Variants in VPS13C observed in about 807,000 individuals in gnomAD.
The protein encoded by VPS13C is intermembrane lipid transfer protein VPS13C.
VPS13C carries 358 observed loss-of-function variants against 456.8 expected under a neutral mutation model. That is an observed-to-expected ratio of 0.78 (90% CI 0.72 to 0.86). The LOEUF is 0.86. Ranked by LOEUF, VPS13C falls within the 40% of genes least tolerant of loss-of-function variation. VPS13C has a pLI of 0.00. For synonymous variants in VPS13C, 1,578 were observed against 1,486.7 expected, an observed-to-expected ratio of 1.06 and a Z score of -1.41; for missense variants, 4,818 against 4,385.4, an observed-to-expected ratio of 1.10 and a Z score of -2.79.
chr15:62,059,382 C>G (rs2048912726), intron 1 of VPS13C, among the ~76,000 whole-genome samples: 1 of 152,158 alleles, frequency 6.6e-6, no homozygotes, highest in African/African-American at 2.4e-5. Context: ...TCCTCCAAAG[C>G]TGACAAAGTT....
chr15:61,955,253 A>G (rs879315993), intron 37 of VPS13C, among the ~76,000 whole-genome samples: 4 of 152,118 alleles, frequency 2.6e-5, no homozygotes, highest in Non-Finnish European at 2.9e-5. Flanking sequence ...AATTCTTATG[A>G]CATCTCTTTG....
At chr15:61,963,798 T>C (rs753904904) in intron 32 of VPS13C, 37 bp downstream of exon 32, 4 of 1,456,556 alleles carry the variant, frequency 2.7e-6, no homozygotes, top group African/African-American at 1.4e-5. Flanking sequence ...GAAAAGTTTA[T>C]CTTTTCGCCA....
chr15:62,013,615 G>C (rs2047122677), intron 10 of VPS13C, among the ~76,000 whole-genome samples: 1 of 151,944 alleles, frequency 6.6e-6, no homozygotes. Flanking sequence ...ATTATGTATA[G>C]CTTAGTACTT....
rs188311216 is a variant in VPS13C at position 61,921,549 on chromosome 15, C to G, written c.7062+398G>C. 2.8e-4 allele frequency among the ~76,000 whole-genome samples: 42 copies of G among 151,618 alleles called. 3 individuals carry two copies. In the East Asian group the frequency reaches 8.1e-3, roughly 29 times the overall value. ...ATATGTACTCTATTAACAATTAAAACTGAAAAAAAATTAAAAATTCATTTA... is the reference window on the plus strand; with the variant it reads ...ATATGTACTCTATTAACAATTAAAAGTGAAAAAAAATTAAAAATTCATTTA... On this transcript the variant is annotated intron_variant, in intron 55 of 84. Transcript: ENST00000644861.
At chr15:62,060,232 G>T in intron 1 of VPS13C, 43 bp downstream of exon 1, 3 of 1,209,190 alleles carry the variant, frequency 2.5e-6, no homozygotes, top group Non-Finnish European at 3.6e-6. Flanking sequence ...CCTCGGCTGG[G>T]CCCTCAGCGC....
rs933249899 is a variant in VPS13C, at chr15:61,880,552, C to T, written c.10002+57G>A. On this transcript the variant is annotated intron_variant, in intron 73 of 84. Transcript: ENST00000644861. ...TAAAACCTACCTTGGTCCACAGACC[C>T]TTTAAAAAGTTCTACAATAATTTCA... The T allele has an allele frequency of 4.0e-6, 5 of 1,239,302 alleles. No individual in the cohort carries two copies. The African/African-American group carries it at 6.2e-5, about 15-fold the overall frequency. The allele number at this position is 1,239,302 out of a possible 1,614,324, so 76.8% of individuals were successfully genotyped here. A position where few individuals can be genotyped will look rare whatever the true frequency, so the allele number is the denominator to read the frequency against.
At chr15:61,945,156 C>T (rs1392892365) in intron 45 of VPS13C, among the ~76,000 whole-genome samples, 2 of 152,214 alleles carry the variant, frequency 1.3e-5, no homozygotes, top group East Asian at 3.8e-4. Flanking sequence ...ATTCAGTTTC[C>T]TGAGGCCTCC....
intron 25 of VPS13C, 80 bp from the exon 26 acceptor site, chr15:61,973,612 A>G: frequency 9.9e-7 from 1 of 1,008,044 alleles, no homozygotes; most frequent in Non-Finnish European, 1.6e-6. Flanking sequence ...AAGACTAAAA[A>G]GTAATAGAGG....
Position 61,854,388 on chromosome 15 carries a change from A to C in VPS13C, c.*69T>G, listed in dbSNP as rs1893794697. On this transcript the variant is annotated 3_prime_UTR_variant, in exon 85 of 85. Coordinates refer to ENST00000644861, the MANE Select transcript of VPS13C (RefSeq NM_020821.3). The stretch of plus-strand genomic sequence containing the variant: ...TTGAAAAATTGTCTTTAGCAAGATA[A>C]AGCAGAGTGACTTATAGACAAGACC... 2 of 1,386,644 alleles carry C rather than the reference A, an allele frequency of 1.4e-6. No homozygotes were observed. The highest frequency in any genetic ancestry group is 2.1e-6 in the Non-Finnish European group (2 of 972,574). 85.9% of individuals were successfully genotyped at this position (1,386,644 alleles called of 1,614,324 possible).
At chr15:61,999,895 A>C (rs1281033079) in intron 16 of VPS13C, among the ~76,000 whole-genome samples, 1 of 130,262 alleles carries the variant, frequency 7.7e-6, no homozygotes, top group Non-Finnish European at 1.7e-5. Flanking sequence ...AGAGGAAACA[A>C]AGAAAAAGTA....
At chr15:61,940,610 T>A in intron 47 of VPS13C, 37 bp downstream of exon 47, 1 of 1,581,792 alleles carries the variant, frequency 6.3e-7, no homozygotes, top group African/African-American at 1.4e-5. Flanking sequence ...GAAAAGCCTA[T>A]CAAGAAATTT....
rs776273234 is a variant in VPS13C at position 61,951,014 on chromosome 15, C to T, written c.4467G>A (p.Gly1489=). The part of the protein sequence containing the change: ...MQCFDFTDSK[G]EPLHIINSSN... ...AAGAGTTAATAATGTGAAGAGGTTC[C>T]CCTTTAGAGTCTAAAAGAGAAAAAA... Residue 1489 remains glycine, a synonymous_variant, in exon 40 of 85, where the codon GGG becomes GGA. Transcript: ENST00000644861. 3 of 1,591,534 alleles carry T rather than the reference C, an allele frequency of 1.9e-6. No individual in the cohort carries two copies. In the Admixed American group the frequency reaches 5.4e-5, roughly 28 times the overall value.
intron 47 of VPS13C, among the ~76,000 whole-genome samples, chr15:61,938,938 T>C (rs574375360): frequency 5.3e-5 from 8 of 152,346 alleles, no homozygotes; most frequent in Non-Finnish European, 1.2e-4. Context: ...AATAGTATTA[T>C]ATTGCCTGTT....
chr15:62,041,042 T>G (rs1448550688), intron 3 of VPS13C, among the ~76,000 whole-genome samples: 2 of 152,196 alleles, frequency 1.3e-5, no homozygotes, highest in Admixed American at 6.5e-5. Flanking sequence ...CTTGGAAATC[T>G]AATCTGAAAA....
chr15:61,903,365 T>A (rs1377823969), intron 66 of VPS13C, among the ~76,000 whole-genome samples: 1 of 151,344 alleles, frequency 6.6e-6, no homozygotes, highest in African/African-American at 2.4e-5. Flanking sequence ...CATAGCTTTA[T>A]GCCAACAACA....
chr15:61,892,568 C>G (rs894310449), intron 66 of VPS13C, among the ~76,000 whole-genome samples: 1 of 152,116 alleles, frequency 6.6e-6, no homozygotes, highest in Non-Finnish European at 1.5e-5. Context: ...AATAAATAAT[C>G]CTTCAATGTA....
intron 1 of VPS13C, among the ~76,000 whole-genome samples, chr15:62,046,181 A>G (rs910089664): frequency 1.3e-5 from 2 of 152,178 alleles, no homozygotes; most frequent in Admixed American, 6.5e-5. Context: ...GAGGGAAATG[A>G]AAGAATACAG....
At chr15:61,974,728 CTTA>C (rs1283478105) in intron 24 of VPS13C, among the ~76,000 whole-genome samples, 1 of 152,108 alleles carries the variant, frequency 6.6e-6, no homozygotes, top group African/African-American at 2.4e-5. Flanking sequence ...ATCAAAGATT[CTTA>C]TTATAAACAT....
At chr15:61,899,872 T>C (rs1286676405) in intron 66 of VPS13C, among the ~76,000 whole-genome samples, 2 of 136,784 alleles carry the variant, frequency 1.5e-5, no homozygotes, top group Non-Finnish European at 3.1e-5. Flanking sequence ...AATAAAATAC[T>C]GGCAAAACGA....
Sources: allele counts gnomAD v4.1 joint callset (sites outside exome capture counted in the v4.1 genomes callset), GRCh38; gene constraint gnomAD v4.1.1; transcripts MANE v1.5; gene names NCBI Gene and HGNC (gene_info 2026-07-23, HGNC 2026-07-21).